CCDC148: variants seen among roughly 807,000 people sequenced by gnomAD.
CCDC148 encodes the protein coiled-coil domain containing 148, also known as coiled-coil domain-containing protein 148.
CCDC148 carries 89 observed loss-of-function variants against 85.7 expected under a neutral mutation model. The ratio of observed to expected loss-of-function variants is 1.04; its 90% CI spans 0.87 to 1.24. The LOEUF is 1.24. Among genes scored for constraint, CCDC148 ranks in the 50% most tolerant of loss-of-function variants. The pLI is 0.00. For synonymous variants in CCDC148, 230 were observed against 213.9 expected (o/e 1.08, Z -0.66); for missense variants, 692 against 671.7 (o/e 1.03, Z -0.33).
intron 4 of CCDC148, 73 bp from the exon 5 acceptor site, chr2:158,340,466 T>C (rs1682624943): frequency 6.6e-7 from 1 of 1,525,586 alleles, no homozygotes; most frequent in Admixed American, 1.9e-5. Flanking sequence ...ATCATTAGAG[T>C]ACAGATTTAT....
intron 10 of CCDC148, among the ~76,000 whole-genome samples, chr2:158,249,142 T>A (rs936493643): frequency 1.3e-5 from 2 of 152,116 alleles, no homozygotes; most frequent in Non-Finnish European, 2.9e-5. Context: ...GTTATTTAAT[T>A]TGCATGGCTT....
At chr2:158,418,022 T>C (rs1241171647) in intron 1 of CCDC148, among the ~76,000 whole-genome samples, 1 of 152,012 alleles carries the variant, frequency 6.6e-6, no homozygotes, top group Non-Finnish European at 1.5e-5. Flanking sequence ...ATTATAGTAA[T>C]CTATTATTTT....
chr2:158,338,445 A>G (rs1169949829), intron 7 of CCDC148: 1 of 221,322 alleles, frequency 4.5e-6, no homozygotes, highest in African/African-American at 2.3e-5. Context: ...GGTTACTGAA[A>G]ATTCATATTT....
chr2:158,284,968 C>G (rs1477880431), intron 9 of CCDC148, among the ~76,000 whole-genome samples: 2 of 151,980 alleles, frequency 1.3e-5, no homozygotes, highest in Non-Finnish European at 2.9e-5. Flanking sequence ...AATATCAATT[C>G]CAAAACTGAT....
intron 9 of CCDC148, among the ~76,000 whole-genome samples, chr2:158,278,222 T>C (rs576554444): frequency 2.8e-4 from 42 of 152,142 alleles, no homozygotes; most frequent in Non-Finnish European, 3.8e-4. Flanking sequence ...GATTTCTGCA[T>C]TTCCATCTGA....
chr2:158,256,439 A>T (rs1689014868), intron 9 of CCDC148, among the ~76,000 whole-genome samples: 1 of 151,784 alleles, frequency 6.6e-6, no homozygotes, highest in Admixed American at 6.6e-5. Flanking sequence ...CTCCACGCAA[A>T]GCTGACTTCA....
At chr2:158,227,789 C>T (rs1687629509) in intron 10 of CCDC148, among the ~76,000 whole-genome samples, 2 of 152,122 alleles carry the variant, frequency 1.3e-5, no homozygotes, top group African/African-American at 4.8e-5. Context: ...TTCCTTATGC[C>T]TTATACAAAA....
chr2:158,364,896 A>G (rs1489097649), intron 1 of CCDC148, among the ~76,000 whole-genome samples: 1 of 152,134 alleles, frequency 6.6e-6, no homozygotes. Flanking sequence ...TGGGAAAAAA[A>G]TTTTGCAATT....
chr2:158,259,348 G>A lies in CCDC148; in HGVS notation c.1111-8436C>T, dbSNP rs369899023. Among the ~76,000 whole-genome samples the A allele has an allele frequency of 7.2e-5, 11 of 151,996 alleles. No homozygotes were observed. In the East Asian group the frequency reaches 9.7e-4, roughly 13 times the overall value. On this transcript the variant is annotated intron_variant, in intron 9 of 13. Transcript: ENST00000283233. The stretch of plus-strand genomic sequence containing the variant: ...TTCCCCACTCGACTGTGATCTCCAT[G>A]AGAACAGGGACCATAACTGATTGAC...
At chr2:158,182,165 A>C (rs1287250120) in intron 11 of CCDC148, among the ~76,000 whole-genome samples, 4 of 152,176 alleles carry the variant, frequency 2.6e-5, no homozygotes, top group Non-Finnish European at 5.9e-5. Context: ...ACCTGTCTTC[A>C]CAAGATCTGG....
At chr2:158,262,726 C>T (rs1333305149) in intron 9 of CCDC148, among the ~76,000 whole-genome samples, 2 of 152,018 alleles carry the variant, frequency 1.3e-5, no homozygotes, top group African/African-American at 4.8e-5. Context: ...TGAGAACTCA[C>T]TCACTATCAT....
chr2:158,425,306 A>G lies in CCDC148; in HGVS notation c.25+31109T>C, dbSNP rs148179485. The G allele has an allele frequency of 7.8e-3, 4,152 of 533,762 alleles. 30 individuals are homozygous for G. Among genetic ancestry groups the G allele is most frequent in the Middle Eastern group, 0.016 (26 of 1,616 alleles). 33.1% of individuals were successfully genotyped at this position (533,762 alleles called of 1,614,324 possible). On this transcript the variant is annotated intron_variant, in intron 1 of 13. Coordinates refer to ENST00000283233, the MANE Select transcript of CCDC148 (RefSeq NM_138803.4). ...ACCAAAACAATCACCAGCCATACTA[A>G]AGGAGGACATTGGAGAAAACAGGAG...
intron 9 of CCDC148, among the ~76,000 whole-genome samples, chr2:158,251,669 T>C (rs1025808919): frequency 7.9e-5 from 12 of 151,858 alleles, no homozygotes; most frequent in African/African-American, 2.4e-4. Context: ...TCAATTATGG[T>C]TCTTTTATAC....
intron 9 of CCDC148, among the ~76,000 whole-genome samples, chr2:158,266,878 A>G (rs1273647263): frequency 2.0e-5 from 3 of 148,292 alleles, no homozygotes; most frequent in Non-Finnish European, 1.5e-5. Context: ...GTATTTACAT[A>G]TATATATATT....
At chr2:158,327,823 GA>G (rs747426014) in intron 7 of CCDC148, among the ~76,000 whole-genome samples, 10 of 152,116 alleles carry the variant, frequency 6.6e-5, no homozygotes, top group Non-Finnish European at 1.3e-4. Context: ...AGCAACATTT[GA>G]AATTTTTTTC....
chr2:158,202,121 A>G lies in CCDC148; in HGVS notation c.1370+18474T>C, dbSNP rs1335550334. ...CTCTTCCTTTGCTTGAAATTTTATGAATAATTAAAATTTAGAGAAAAAGGT... is the reference window on the plus strand; with the variant it reads ...CTCTTCCTTTGCTTGAAATTTTATGGATAATTAAAATTTAGAGAAAAAGGT... On this transcript the variant is annotated intron_variant, in intron 11 of 13. Transcript: ENST00000283233. 7.2e-5 allele frequency among the ~76,000 whole-genome samples: 11 copies of G among 152,326 alleles called. No homozygotes were observed. The South Asian group carries it at 2.3e-3, about 32-fold the overall frequency.
intron 11 of CCDC148, among the ~76,000 whole-genome samples, chr2:158,205,912 G>A (rs1686218000): frequency 6.6e-6 from 1 of 152,120 alleles, no homozygotes; most frequent in African/African-American, 2.4e-5. Context: ...AACCTTTATA[G>A]GTTCTCGCAT....
chr2:158,331,120 T>C (rs1362972450), intron 7 of CCDC148, among the ~76,000 whole-genome samples: 16 of 152,218 alleles, frequency 1.1e-4, no homozygotes, highest in Non-Finnish European at 2.2e-4. Context: ...ATTTTAGATC[T>C]TTCCTGCTTT....
chr2:158,453,239 TAG>T (rs981165230), intron 1 of CCDC148, among the ~76,000 whole-genome samples: 6 of 152,120 alleles, frequency 3.9e-5, no homozygotes, highest in Admixed American at 1.3e-4. Flanking sequence ...CCATTTGATA[TAG>T]AGTGTCAAGG....
Sources: allele counts gnomAD v4.1 joint callset (sites outside exome capture counted in the v4.1 genomes callset), GRCh38; gene constraint gnomAD v4.1.1; transcripts MANE v1.5; gene names NCBI Gene and HGNC (gene_info 2026-07-23, HGNC 2026-07-21).